The following C8orf58 variants were observed in gnomAD, a reference collection of about 807,000 sequenced individuals.
C8orf58 encodes the protein chromosome 8 open reading frame 58, also known as uncharacterized protein C8orf58.
C8orf58 carries 31 observed loss-of-function variants against 36.8 expected under a neutral mutation model. The ratio of observed to expected loss-of-function variants is 0.84; its 90% CI spans 0.63 to 1.14. The LOEUF is 1.14. C8orf58 is among the 50% of genes most tolerant of loss of function. The pLI, the probability that C8orf58 is intolerant of heterozygous loss-of-function variation, is 0.00. For missense variants in C8orf58, 538 were observed against 480.8 expected (o/e 1.12, Z -1.11); for synonymous variants, 230 against 200.2 (o/e 1.15, Z -1.26).
intron 6 of C8orf58, 22 bp from the exon 7 acceptor site, chr8:22,603,173 A>G: frequency 6.5e-7 from 1 of 1,549,228 alleles, no homozygotes; most frequent in Non-Finnish European, 8.9e-7. Context: ...TTCTAGCCTA[A>G]TGTCTTCTTT....
Position 22,600,961 on chromosome 8 carries a change from C to G in C8orf58, c.120C>G (p.Ala40=), listed in dbSNP as rs772226148. The change falls in exon 2 of 7, where the codon GCC becomes GCG. Residue 40 remains alanine (A), a synonymous_variant. Coordinates refer to ENST00000289989, the MANE Select transcript of C8orf58 (RefSeq NM_001013842.3). The stretch of plus-strand genomic sequence containing the variant: ...CCTACAGACGGATCCCCGACGCTGC[C>G]CACGGGTGCTCATCCTGGGAGAGAG... The part of the protein sequence containing the change: ...TSTYRRIPDA[A]HGCSSWERGD... 3 of 1,612,506 alleles carry G rather than the reference C, an allele frequency of 1.9e-6. No homozygotes were observed.
Position 22,600,955 on chromosome 8 carries a change from C to G in C8orf58, c.114C>G (p.Asp38Glu). The stretch of plus-strand genomic sequence containing the variant: ...CCAGCACCTACAGACGGATCCCCGA[C>G]GCTGCCCACGGGTGCTCATCCTGGG... Reference protein sequence around the residue: ...GVTSTYRRIPDAAHGCSSWER... With the variant: ...GVTSTYRRIPEAAHGCSSWER... Residue 38 changes from aspartate to glutamate, a missense_variant, in exon 2 of 7, where the codon GAC (aspartate) becomes GAG (glutamate). Physicochemically the swap from Asp to Glu is conservative, Grantham distance 45 (BLOSUM62 2). Coordinates refer to ENST00000289989, the MANE Select transcript of C8orf58 (RefSeq NM_001013842.3). 1 of 1,612,574 alleles carries G rather than the reference C, an allele frequency of 6.2e-7. No individual in the cohort carries two copies. The highest frequency in any genetic ancestry group is 8.5e-7 in the Non-Finnish European group (1 of 1,179,992).
In C8orf58 at chr8:22,599,724, A is replaced by G. The variant is rs1303529819; in HGVS notation, c.4A>G (p.Met2Val). Residue 2 changes from methionine (M) to valine (V), a missense_variant, in exon 1 of 7, where the codon ATG becomes GTG. Met to Val is a conservative substitution (Grantham distance 21, BLOSUM62 1). Transcript: ENST00000289989. ...GGGCCGGGGCCGGGAGCGGGCCATG[A>G]TGGGCCGGCGGCGCGCCTTCGCCGT... M[M>V]GRRRAFAVDG... The G allele has an allele frequency of 8.2e-7, 1 of 1,217,380 alleles. No individual in the cohort carries two copies. Among genetic ancestry groups the G allele is most frequent in the South Asian group, 4.1e-5 (1 of 24,212 alleles). 75.4% of individuals were successfully genotyped at this position (1,217,380 alleles called of 1,614,324 possible).
chr8:22,603,035 A>G (rs1800916436), intron 6 of C8orf58, 160 bp from the exon 7 acceptor site: 6 of 620,846 alleles, frequency 9.7e-6, no homozygotes, highest in Non-Finnish European at 1.4e-5. Flanking sequence ...GCTTGTATTG[A>G]ATCGTTCTCC....
chr8:22,602,279 A>G lies in C8orf58; in HGVS notation c.846A>G (p.Pro282=), dbSNP rs758287820. 2 of 1,587,484 alleles carry G rather than the reference A, an allele frequency of 1.3e-6. No individual in the cohort carries two copies. The highest frequency in any genetic ancestry group is 2.2e-5 in the South Asian group (2 of 89,228). The change falls in exon 5 of 7, where the codon CCA becomes CCG. Residue 282 remains proline (P), a synonymous_variant. Transcript: ENST00000289989. ...GGCTGCCAGAAACCCCAGTGGAGCCAACGTACCACTTGCCATCCTCCCAGG... is the reference window on the plus strand; with the variant it reads ...GGCTGCCAGAAACCCCAGTGGAGCCGACGTACCACTTGCCATCCTCCCAGG... The part of the protein sequence containing the change: ...PPRLPETPVE[P]TYHLPSSQGH...
chr8:22,600,181 CT>C lies in C8orf58; in HGVS notation c.40+422del, dbSNP rs1417728056. The C allele has an allele frequency of 2.3e-5, 4 of 171,862 alleles. No homozygotes were observed. The East Asian group carries it at 6.2e-4, about 27-fold the overall frequency. The allele number at this position is 171,862 out of a possible 1,614,324, so 10.6% of individuals were successfully genotyped here. A position where few individuals can be genotyped will look rare whatever the true frequency, so the allele number is the denominator to read the frequency against. On this transcript the variant is annotated intron_variant, in intron 1 of 6. Transcript: ENST00000289989. The stretch of plus-strand genomic sequence containing the variant: ...TGCCCCGCAGCTCGTCCCCGCCCCC[CT>C]AGCCTGTTTCCCGTACCGTTCATTC...
rs564123209 is a variant in C8orf58, at chr8:22,603,508, G to A, written c.*202G>A. ...TTTCTTGAGAGGCCCCCAAGATGCC[G>A]CAGCTCCAGGGCTCTTCCTCCTCAC... is the stretch of plus-strand genomic sequence containing the variant. On this transcript the variant is annotated 3_prime_UTR_variant, in exon 7 of 7. Coordinates refer to ENST00000289989, the MANE Select transcript of C8orf58 (RefSeq NM_001013842.3). 8.7e-5 allele frequency: 54 copies of A among 621,502 alleles called. No homozygotes were observed. The highest frequency in any genetic ancestry group is 4.3e-4 in the East Asian group (15 of 34,934). 38.5% of individuals were successfully genotyped at this position (621,502 alleles called of 1,614,324 possible). A position where few individuals can be genotyped will look rare whatever the true frequency, so the allele number is the denominator to read the frequency against.
rs1269110178 is a variant in C8orf58, at chr8:22,601,965, T to C, written c.658-7T>C. The C allele has an allele frequency of 6.4e-7, 1 of 1,551,974 alleles. No individual in the cohort carries two copies. The highest frequency in any genetic ancestry group is 8.7e-7 in the Non-Finnish European group (1 of 1,145,808). On this transcript the variant is annotated splice_region_variant and splice_polypyrimidine_tract_variant and intron_variant, in intron 3 of 6. Transcript: ENST00000289989. ...AGGCCCTGATCACCTGTCTCTCCTG[T>C]GCATAGGATCCCGGCGAGGAGGAGT...
Position 22,600,870 on chromosome 8 carries a change from C to G in C8orf58, c.41-12C>G, listed in dbSNP as rs1224985091. ...GGTGGCCTGCCCAGCCTGACGCTGA[C>G]TCTCCATGCAGATGGGGCTGGCGAG... is the stretch of plus-strand genomic sequence containing the variant. On this transcript the variant is annotated splice_polypyrimidine_tract_variant and intron_variant, in intron 1 of 6. Transcript: ENST00000289989. 1 of 1,587,488 alleles carries G rather than the reference C, an allele frequency of 6.3e-7. No homozygotes were observed. The highest frequency in any genetic ancestry group is 8.6e-7 in the Non-Finnish European group (1 of 1,167,742).
intron 1 of C8orf58, 120 bp downstream of exon 1, chr8:22,599,880 C>T: frequency 2.3e-6 from 1 of 441,622 alleles, no homozygotes. Context: ...CGGGCGGAGC[C>T]CGCGCCGCTG....
chr8:22,603,533 C>G lies in C8orf58; in HGVS notation c.*227C>G. 1 of 578,930 alleles carries G rather than the reference C, an allele frequency of 1.7e-6. No individual in the cohort carries two copies. The highest frequency in any genetic ancestry group is 3.0e-5 in the East Asian group (1 of 33,482). The allele number at this position is 578,930 out of a possible 1,614,324, so 35.9% of individuals were successfully genotyped here. On this transcript the variant is annotated 3_prime_UTR_variant, in exon 7 of 7. Coordinates refer to ENST00000289989, the MANE Select transcript of C8orf58 (RefSeq NM_001013842.3). ...GCAGCTCCAGGGCTCTTCCTCCTCA[C>G]CAGAAATCCCTGGGCTTCCACAATG...
Position 22,601,044 on chromosome 8 carries a change from A to T in C8orf58, c.203A>T (p.Asp68Val). Residue 68 changes from aspartate (D) to valine (V), a missense_variant, in exon 2 of 7, where the codon GAC becomes GTC. Transcript: ENST00000289989. ...EALFLKLASRDSGVEMAVGDS... is the reference protein window; with the variant it reads ...EALFLKLASRVSGVEMAVGDS... Reference sequence around the variant, plus strand: ...CTCTTTCTCAAACTGGCCTCCCGGGACTCAGGAGTGGAGATGGCAGTTGGG... The same window carrying T: ...CTCTTTCTCAAACTGGCCTCCCGGGTCTCAGGAGTGGAGATGGCAGTTGGG... 3 of 1,612,824 alleles carry T rather than the reference A, an allele frequency of 1.9e-6. No individual in the cohort carries two copies. The highest frequency in any genetic ancestry group is 2.5e-6 in the Non-Finnish European group (3 of 1,180,002).
chr8:22,600,958 T>C lies in C8orf58; in HGVS notation c.117T>C (p.Ala39=). ...VTSTYRRIPD[A]AHGCSSWERG... ...GCACCTACAGACGGATCCCCGACGCTGCCCACGGGTGCTCATCCTGGGAGA... is the reference window on the plus strand; with the variant it reads ...GCACCTACAGACGGATCCCCGACGCCGCCCACGGGTGCTCATCCTGGGAGA... Residue 39 remains alanine (A), a synonymous_variant, in exon 2 of 7, where the codon GCT becomes GCC. Transcript: ENST00000289989. 1 of 1,612,588 alleles carries C rather than the reference T, an allele frequency of 6.2e-7. No individual in the cohort carries two copies. Among genetic ancestry groups the C allele is most frequent in the Non-Finnish European group, 8.5e-7 (1 of 1,179,994 alleles).
rs1202384889 is a variant in C8orf58 at position 22,602,100 on chromosome 8, C to T, written c.766+20C>T. The T allele has an allele frequency of 6.4e-7, 1 of 1,555,300 alleles. No homozygotes were observed. The highest frequency in any genetic ancestry group is 8.7e-7 in the Non-Finnish European group (1 of 1,148,534). ...ACACAGGTGAGGGGCCATCGTGTCTCCCTTTGTCCTGCCTGCCTGGGGTCC... is the reference window on the plus strand; with the variant it reads ...ACACAGGTGAGGGGCCATCGTGTCTTCCTTTGTCCTGCCTGCCTGGGGTCC... On this transcript the variant is annotated intron_variant, in intron 4 of 6. Transcript: ENST00000289989.
rs965228795 is a variant in C8orf58, at chr8:22,599,616, C to T, written c.-105C>T. 5 of 538,542 alleles carry T rather than the reference C, an allele frequency of 9.3e-6. No homozygotes were observed. In the Admixed American group the frequency reaches 1.9e-4, roughly 21 times the overall value. 33.4% of individuals were successfully genotyped at this position (538,542 alleles called of 1,614,324 possible). A position where few individuals can be genotyped will look rare whatever the true frequency, so the allele number is the denominator to read the frequency against. ...CGCTGGGAGTGTCTGGGGGCCGCGC[C>T]CAGCTGGGTCGGGACGCGCTCCCTG... is the stretch of plus-strand genomic sequence containing the variant. On this transcript the variant is annotated 5_prime_UTR_variant, in exon 1 of 7. Coordinates refer to ENST00000289989, the MANE Select transcript of C8orf58 (RefSeq NM_001013842.3).
chr8:22,599,724 A>T lies in C8orf58; in HGVS notation c.4A>T (p.Met2Leu), dbSNP rs1303529819. The T allele has an allele frequency of 6.6e-6, 8 of 1,217,280 alleles. No individual in the cohort carries two copies. The African/African-American group carries it at 9.5e-5, about 14-fold the overall frequency. 75.4% of individuals were successfully genotyped at this position (1,217,280 alleles called of 1,614,324 possible). Residue 2 changes from methionine to leucine, a missense_variant, in exon 1 of 7, where the codon ATG (methionine) becomes TTG (leucine). By Grantham distance (15) the Met-to-Leu change is conservative. Transcript: ENST00000289989. Reference protein sequence around the residue: MMGRRRAFAVDG... With the variant: MLGRRRAFAVDG... ...GGGCCGGGGCCGGGAGCGGGCCATG[A>T]TGGGCCGGCGGCGCGCCTTCGCCGT... is the stretch of plus-strand genomic sequence containing the variant.
Position 22,602,545 on chromosome 8 carries a change from C to G in C8orf58, c.888C>G (p.Ile296Met), listed in dbSNP as rs1309332932. 6.2e-7 allele frequency: 1 copy of G among 1,609,186 alleles called. No homozygotes were observed. Among genetic ancestry groups the G allele is most frequent in the African/African-American group, 1.3e-5 (1 of 74,812 alleles). The change falls in exon 6 of 7, where the codon ATC (isoleucine) becomes ATG (methionine). Residue 296 changes from isoleucine (I) to methionine (M), a missense_variant. Transcript: ENST00000289989. ...CCTCATCCTCTGCTCAGCGGGATAT[C>G]TCCCACTGGGACAAGGTCAAGGTCC... ...LPSSQGHKRD[I>M]SHWDKVKVLL...
Position 22,603,364 on chromosome 8 carries a change from C to G in C8orf58, c.*58C>G. 1.7e-6 allele frequency: 2 copies of G among 1,206,136 alleles called. No individual in the cohort carries two copies. Among genetic ancestry groups the G allele is most frequent in the Non-Finnish European group, 2.5e-6 (2 of 809,924 alleles). 74.7% of individuals were successfully genotyped at this position (1,206,136 alleles called of 1,614,324 possible). A position where few individuals can be genotyped will look rare whatever the true frequency, so the allele number is the denominator to read the frequency against. ...AGGGGACTTGCTGTGAAGTCTTCCT[C>G]GCCCTCTGCCCTCTTGCTGCTTCTC... On this transcript the variant is annotated 3_prime_UTR_variant, in exon 7 of 7. Transcript: ENST00000289989.
At chr8:22,601,467 G>A (rs1030407566) in intron 2 of C8orf58, 110 bp downstream of exon 2, 21 of 1,006,944 alleles carry the variant, frequency 2.1e-5, no homozygotes, top group Non-Finnish European at 3.0e-5. Flanking sequence ...TAATTGATGG[G>A]TTGTGTCATA....
Sources: gnomAD v4.1 joint callset for allele counts on GRCh38, gnomAD v4.1.1 for gene constraint, MANE v1.5 for transcripts, NCBI Gene and HGNC (gene_info 2026-07-23, HGNC 2026-07-21) for gene names.